Variants in GLCCI1 observed in about 807,000 individuals in gnomAD.
The protein encoded by GLCCI1 is glucocorticoid-induced transcript 1 protein.
A neutral mutation model predicts 52.2 loss-of-function variants in GLCCI1; 24 were observed. That is an observed-to-expected ratio of 0.46 (90% CI 0.33 to 0.65). The LOEUF (loss-of-function observed/expected upper bound fraction) is 0.65, where lower values mean the gene tolerates loss of function less well. Among genes scored for constraint, GLCCI1 ranks in the 30% least tolerant of loss-of-function variants. The pLI, the probability that GLCCI1 is intolerant of heterozygous loss-of-function variation, is 0.02. For missense variants in GLCCI1, 704 were observed against 701.5 expected, an observed-to-expected ratio of 1.00 and a Z score of -0.04; for synonymous variants, 310 against 276.5, an observed-to-expected ratio of 1.12 and a Z score of -1.20.
intron 6 of GLCCI1, among the ~76,000 whole-genome samples, chr7:8,079,198 A>G (rs1029218031): frequency 9.2e-5 from 14 of 152,154 alleles, no homozygotes; most frequent in Non-Finnish European, 1.6e-4. Flanking sequence ...ACACGTCAGC[A>G]GATTGTTTCA....
chr7:8,085,145 A>G, intron 7 of GLCCI1, 128 bp downstream of exon 7: 3 of 1,023,292 alleles, frequency 2.9e-6, no homozygotes, highest in South Asian at 1.7e-5. Flanking sequence ...AATTATGTAA[A>G]GAGAATTGAA....
chr7:8,000,992 A>G (rs996306901), intron 1 of GLCCI1, among the ~76,000 whole-genome samples: 2 of 152,226 alleles, frequency 1.3e-5, no homozygotes, highest in Admixed American at 6.5e-5. Flanking sequence ...ATCTTAATCC[A>G]GTTTGCCAGT....
rs1458401851 is a variant in GLCCI1 at position 7,969,573 on chromosome 7, G to A, written c.223G>A (p.Gly75Ser). 1.1e-5 allele frequency: 11 copies of A among 1,014,892 alleles called. No individual in the cohort carries two copies. The East Asian group carries it at 9.4e-4, about 87-fold the overall frequency. The allele number at this position is 1,014,892 out of a possible 1,614,324, so 62.9% of individuals were successfully genotyped here. Residue 75 changes from glycine to serine, a missense_variant, in exon 1 of 8, where the codon GGC becomes AGC. Coordinates refer to ENST00000223145, the MANE Select transcript of GLCCI1 (RefSeq NM_138426.4). The surrounding 1 kb of genome is among the most constrained non-coding windows in gnomAD (Gnocchi z 4.9). ...RATVPYQLLR[G>S]SQHSPTRPPV... ...CACGGTGCCCTACCAGCTCTTGCGGGGCAGCCAGCACAGTCCCACGCGTCC... is the reference window on the plus strand; with the variant it reads ...CACGGTGCCCTACCAGCTCTTGCGGAGCAGCCAGCACAGTCCCACGCGTCC...
At chr7:8,066,661 GTTGT>G (rs1782638140) in intron 5 of GLCCI1, among the ~76,000 whole-genome samples, 2 of 151,624 alleles carry the variant, frequency 1.3e-5, no homozygotes, top group African/African-American at 2.4e-5. Flanking sequence ...TCAGGAGCAG[GTTGT>G]TTAATTTCCA....
chr7:8,017,572 T>C (rs7810540), intron 2 of GLCCI1, among the ~76,000 whole-genome samples: 94,527 of 151,964 alleles, frequency 0.62, 30,062 homozygotes, highest in African/African-American at 0.76. Context: ...TGCTGCTCAT[T>C]TGGGGACTGC....
chr7:8,078,380 A>G (rs1782920710), intron 6 of GLCCI1, among the ~76,000 whole-genome samples: 1 of 152,134 alleles, frequency 6.6e-6, no homozygotes, highest in Admixed American at 6.5e-5. Context: ...GGAGGGCAAG[A>G]TAAGTAGCCA....
intron 5 of GLCCI1, 99 bp from the exon 6 acceptor site, chr7:8,070,822 G>C (rs879173957): frequency 4.8e-6 from 5 of 1,032,704 alleles, no homozygotes; most frequent in Non-Finnish European, 7.3e-6. Flanking sequence ...AACTGGGTCA[G>C]TAGTGGTGGA....
At chr7:8,078,208 TAAAAAAAAAAA>T (rs5882151) in intron 6 of GLCCI1, among the ~76,000 whole-genome samples, 1 of 86,236 alleles carries the variant, frequency 1.2e-5, no homozygotes, top group Non-Finnish European at 2.2e-5. Context: ...GACTCCGTCT[TAAAAAAAAAAA>T]AAAAAAAAAA....
At chr7:8,045,305 C>T (rs1236043171) in intron 3 of GLCCI1, among the ~76,000 whole-genome samples, 2 of 152,118 alleles carry the variant, frequency 1.3e-5, no homozygotes, top group Non-Finnish European at 1.5e-5. Context: ...CTCGCTCAGA[C>T]TGGGACCATT....
At position 8,086,598 on chromosome 7, in the gene GLCCI1, C is replaced by A. The variant is rs544284751; in HGVS notation, c.*60C>A. On this transcript the variant is annotated 3_prime_UTR_variant, in exon 8 of 8. Coordinates refer to ENST00000223145, the MANE Select transcript of GLCCI1 (RefSeq NM_138426.4). This position sits in a 1 kb window ranked among gnomAD's most constrained non-coding sequence, Gnocchi z 4.4. The stretch of plus-strand genomic sequence containing the variant: ...GGATTCGGAACAAGATTTCAGACAT[C>A]TGCATGAGTGACAAACTTTCTGAAC... 1.5e-6 allele frequency: 2 copies of A among 1,350,484 alleles called. No homozygotes were observed. Among genetic ancestry groups the A allele is most frequent in the South Asian group, 2.8e-5 (2 of 71,498 alleles). The allele number at this position is 1,350,484 out of a possible 1,614,324, so 83.7% of individuals were successfully genotyped here.
chr7:8,077,865 C>T (rs2127967308), intron 6 of GLCCI1, among the ~76,000 whole-genome samples: 2 of 152,138 alleles, frequency 1.3e-5, no homozygotes, highest in South Asian at 4.2e-4. Flanking sequence ...GTGTACAGAA[C>T]AGTAAGAAAT....
intron 1 of GLCCI1, among the ~76,000 whole-genome samples, chr7:7,971,887 T>C (rs1780360647): frequency 6.6e-6 from 1 of 152,178 alleles, no homozygotes; most frequent in East Asian, 1.9e-4. Context: ...GGGCTTTCTT[T>C]GCTAAAGATG....
intron 5 of GLCCI1, among the ~76,000 whole-genome samples, chr7:8,069,016 G>A (rs1292490119): frequency 6.6e-6 from 1 of 152,142 alleles, no homozygotes; most frequent in Admixed American, 6.5e-5. Context: ...CCTCACTATT[G>A]CAGCTGCGCT....
intron 2 of GLCCI1, among the ~76,000 whole-genome samples, chr7:8,012,805 A>G (rs2127945726): frequency 6.6e-6 from 1 of 152,218 alleles, no homozygotes; most frequent in East Asian, 1.9e-4. Flanking sequence ...AGTCCAGTTT[A>G]TCTATTTTTC....
At chr7:7,985,286 G>A (rs1330044491) in intron 1 of GLCCI1, among the ~76,000 whole-genome samples, 1 of 152,202 alleles carries the variant, frequency 6.6e-6, no homozygotes, top group Middle Eastern at 3.4e-3. Context: ...AAGAGAAAGA[G>A]AGTAATAGCA....
chr7:7,969,869 A>G lies in GLCCI1; in HGVS notation c.457+62A>G. 7.7e-7 allele frequency: 1 copy of G among 1,300,024 alleles called. No individual in the cohort carries two copies. Among genetic ancestry groups the G allele is most frequent in the Non-Finnish European group, 9.9e-7 (1 of 1,012,558 alleles). 80.5% of individuals were successfully genotyped at this position (1,300,024 alleles called of 1,614,324 possible). A position where few individuals can be genotyped will look rare whatever the true frequency, so the allele number is the denominator to read the frequency against. On this transcript the variant is annotated intron_variant, in intron 1 of 7. Transcript: ENST00000223145. The surrounding 1 kb of genome is among the most constrained non-coding windows in gnomAD (Gnocchi z 4.9). ...TCTCCCCGACGGTGCCCTCCGTGGA[A>G]ACTTCAGCCTCTTCGGGCTTCTCTT...
In GLCCI1 at chr7:7,977,532, A is replaced by G. The variant is rs192379093; in HGVS notation, c.457+7725A>G. Among the ~76,000 whole-genome samples the G allele has an allele frequency of 2.6e-5, 4 of 152,228 alleles. No individual in the cohort carries two copies. In the East Asian group the frequency reaches 5.8e-4, roughly 22 times the overall value. ...GTAGAGGCATAAATGTATCCTGGGA[A>G]ATACTAGATTTGGAGTCAAGAAACC... On this transcript the variant is annotated intron_variant, in intron 1 of 7. Transcript: ENST00000223145.
chr7:8,040,935 C>A (rs531568232), intron 3 of GLCCI1, among the ~76,000 whole-genome samples: 2 of 152,224 alleles, frequency 1.3e-5, no homozygotes, highest in African/African-American at 4.8e-5. Context: ...CCTACAGTGA[C>A]CTCTTAAGTG....
Position 8,086,171 on chromosome 7 carries a change from T to C in GLCCI1, c.1299-22T>C, listed in dbSNP as rs1169581912. ...TTTTCTGTGTTCATGATTATAAATC[T>C]AATTTTGTTTTATGGTTTTAGGTCT... On this transcript the variant is annotated intron_variant, in intron 7 of 7. Transcript: ENST00000223145. The surrounding 1 kb of genome is among the most constrained non-coding windows in gnomAD (Gnocchi z 4.4). 6.4e-7 allele frequency: 1 copy of C among 1,556,266 alleles called. No homozygotes were observed. The highest frequency in any genetic ancestry group is 1.2e-5 in the South Asian group (1 of 84,006).
Sources: gnomAD v4.1 joint callset for allele counts (sites outside exome capture counted in the v4.1 genomes callset) on GRCh38, gnomAD v4.1.1 for gene constraint, Gnocchi (gnomAD v3.1) non-coding constraint, MANE v1.5 for transcripts, NCBI Gene and HGNC (gene_info 2026-07-23, HGNC 2026-07-21) for gene names.